The following SLC12A7 variants were observed in gnomAD, a reference collection of about 807,000 sequenced individuals.
SLC12A7 encodes the protein K-Cl cotransporter 4.
A neutral mutation model predicts 120.6 loss-of-function variants in SLC12A7; 100 were observed. That is an observed-to-expected ratio of 0.83 (90% CI 0.71 to 0.98). SLC12A7 has a LOEUF of 0.98. SLC12A7 is among the 50% of genes least tolerant of loss of function. The probability of loss-of-function intolerance (pLI) is 0.00; values close to 1 mark genes in which losing one functional copy is unlikely to be tolerated. For synonymous variants in SLC12A7, 760 were observed against 678.0 expected, an observed-to-expected ratio of 1.12 and a Z score of -1.88; for missense variants, 1,373 against 1,548.1, an observed-to-expected ratio of 0.89 and a Z score of 1.90.
intron 17 of SLC12A7, among the ~76,000 whole-genome samples, chr5:1,067,356 G>A (rs1047633413): frequency 6.6e-6 from 1 of 152,234 alleles, no homozygotes; most frequent in Non-Finnish European, 1.5e-5. Flanking sequence ...GGGCAGGAAG[G>A]CACAGGGAAG....
At chr5:1,151,150 A>G in the SLC12A7 span, among the ~76,000 whole-genome samples, 1 of 152,354 alleles carries the variant, frequency 6.6e-6, no homozygotes, top group African/African-American at 2.4e-5. This position sits in a 1 kb window ranked among gnomAD's most constrained non-coding sequence, Gnocchi z 6.2. Context: ...CCGGGATCCC[A>G]GCTCACAAAG....
At chr5:1,110,519 C>G (rs561125637) in intron 1 of SLC12A7, among the ~76,000 whole-genome samples, 1 of 152,374 alleles carries the variant, frequency 6.6e-6, no homozygotes, top group East Asian at 1.9e-4. Context: ...ATGACACTTA[C>G]AGTCTAAAGA....
intron 14 of SLC12A7, chr5:1,075,864 CG>C: frequency 3.9e-6 from 2 of 514,336 alleles, no homozygotes; most frequent in Non-Finnish European, 6.9e-6. Context: ...GGGCTGACCA[CG>C]GGAGGTACAA....
At chr5:1,128,752 T>G in the SLC12A7 span, among the ~76,000 whole-genome samples, 1 of 152,216 alleles carries the variant, frequency 6.6e-6, no homozygotes, top group Non-Finnish European at 1.5e-5. Context: ...TGTGTGTGCA[T>G]GCGTGCACAC....
rs778020005 is a variant in SLC12A7 at position 1,051,994 on chromosome 5, T to C, written c.*366A>G. On this transcript the variant is annotated 3_prime_UTR_variant, in exon 24 of 24. Transcript: ENST00000264930. ...AAGAATGTTCTGGATGGGGTAGAAA[T>C]GCAACCTAACCACTGGGTAAATCCA... 18 of 280,462 alleles carry C rather than the reference T, an allele frequency of 6.4e-5. No homozygotes were observed. The highest frequency in any genetic ancestry group is 9.4e-5 in the Non-Finnish European group (14 of 148,934). 17.4% of individuals were successfully genotyped at this position (280,462 alleles called of 1,614,324 possible).
chr5:1,051,922 G>A lies in SLC12A7; in HGVS notation c.*438C>T, dbSNP rs1200764866. On this transcript the variant is annotated 3_prime_UTR_variant, in exon 24 of 24. Coordinates refer to ENST00000264930, the MANE Select transcript of SLC12A7 (RefSeq NM_006598.3). Reference sequence around the variant, plus strand: ...GAGCGGAGCCATGGCCAGGGCTGACGTTTCACCTTCATCATCAGGGACAGC... The same window carrying A: ...GAGCGGAGCCATGGCCAGGGCTGACATTTCACCTTCATCATCAGGGACAGC... The A allele has an allele frequency of 2.1e-5, 4 of 186,238 alleles. No individual in the cohort carries two copies. In the South Asian group the frequency reaches 4.8e-4, roughly 23 times the overall value. The allele number at this position is 186,238 out of a possible 1,614,324, so 11.5% of individuals were successfully genotyped here.
the SLC12A7 span, among the ~76,000 whole-genome samples, chr5:1,135,513 T>A: frequency 6.6e-6 from 1 of 152,138 alleles, no homozygotes; most frequent in Non-Finnish European, 1.5e-5. Context: ...TGCCCCGGGA[T>A]CCAGGGTGGC....
Position 1,052,458 on chromosome 5 carries a change from TCAA to T in SLC12A7, c.3161-10_3161-8del. 6.2e-7 allele frequency: 1 copy of T among 1,609,016 alleles called. No homozygotes were observed. The highest frequency in any genetic ancestry group is 8.5e-7 in the Non-Finnish European group (1 of 1,176,552). On this transcript the variant is annotated splice_region_variant and splice_polypyrimidine_tract_variant and intron_variant, in intron 23 of 23. Coordinates refer to ENST00000264930, the MANE Select transcript of SLC12A7 (RefSeq NM_006598.3). The stretch of plus-strand genomic sequence containing the variant: ...ACTTCAAGAAACTCCATGTCTGTGG[TCAA>T]CAGAGTTAAGGCCACAGCTGATCTT...
At chr5:1,102,873 C>T (rs1470043694) in intron 1 of SLC12A7, among the ~76,000 whole-genome samples, 1 of 152,124 alleles carries the variant, frequency 6.6e-6, no homozygotes, top group South Asian at 2.1e-4. Flanking sequence ...CCCAGGAGCA[C>T]CCCCCACCCA....
chr5:1,103,602 T>C (rs953350817), intron 1 of SLC12A7, among the ~76,000 whole-genome samples: 1 of 152,184 alleles, frequency 6.6e-6, no homozygotes, highest in African/African-American at 2.4e-5. Context: ...TGTCCTCACA[T>C]GTGCATACCC....
chr5:1,114,262 C>A (rs2150918239), upstream of SLC12A7, among the ~76,000 whole-genome samples: 1 of 152,340 alleles, frequency 6.6e-6, no homozygotes, highest in Non-Finnish European at 1.5e-5. Context: ...AGGCAGGTGG[C>A]TTCTCTTGTT....
intron 8 of SLC12A7, among the ~76,000 whole-genome samples, chr5:1,082,979 AG>A (rs1739374942): frequency 7.2e-5 from 3 of 41,678 alleles, no homozygotes; most frequent in East Asian, 7.3e-4. Context: ...CTTCCTCTCT[AG>A]GGTTCTGGAA....
At chr5:1,096,669 G>A in intron 1 of SLC12A7, among the ~76,000 whole-genome samples, 1 of 131,462 alleles carries the variant, frequency 7.6e-6, no homozygotes, top group African/African-American at 3.1e-5. Flanking sequence ...GGGAGGGAGG[G>A]AAGGAAGAAA....
chr5:1,135,674 G>A, the SLC12A7 span, among the ~76,000 whole-genome samples: 112 of 152,340 alleles, frequency 7.4e-4, no homozygotes, highest in African/African-American at 2.4e-3. Context: ...CTTCAGGTGC[G>A]TGCATGAGTG....
intron 7 of SLC12A7, among the ~76,000 whole-genome samples, chr5:1,084,161 C>A (rs1041991310): frequency 6.6e-6 from 1 of 152,158 alleles, no homozygotes; most frequent in Non-Finnish European, 1.5e-5. Flanking sequence ...AGGGATCACA[C>A]TGGGGACCGG....
intron 8 of SLC12A7, among the ~76,000 whole-genome samples, chr5:1,082,692 G>A (rs1391783611): frequency 2.0e-5 from 3 of 149,252 alleles, no homozygotes; most frequent in Non-Finnish European, 4.5e-5. Context: ...GTTCTGGAAA[G>A]TCCGGGCTTC....
intron 17 of SLC12A7, among the ~76,000 whole-genome samples, chr5:1,067,695 C>T (rs1737202037): frequency 6.6e-6 from 1 of 152,238 alleles, no homozygotes; most frequent in Non-Finnish European, 1.5e-5. Context: ...CTGGGGATCT[C>T]AACTCTCTTC....
At chr5:1,147,017 G>C in the SLC12A7 span, among the ~76,000 whole-genome samples, 2 of 152,074 alleles carry the variant, frequency 1.3e-5, no homozygotes, top group Non-Finnish European at 2.9e-5. Context: ...ACAGACTTTC[G>C]CTCTTTTCAT....
rs190425857 is a variant in SLC12A7 at position 1,089,550 on chromosome 5, G to A, written c.343-422C>T. Among the ~76,000 whole-genome samples, 229 of 147,510 alleles carry A rather than the reference G, an allele frequency of 1.6e-3. 1 individual carries two copies. The highest frequency in any genetic ancestry group is 2.8e-3 in the Non-Finnish European group (187 of 67,262). On this transcript the variant is annotated intron_variant, in intron 3 of 23. Transcript: ENST00000264930. ...GGAAGCAGAGCCAGCGGAGGGATGA[G>A]ACGGCTGCTGCCCATAAAGCTAAAA...
Sources: gnomAD v4.1 joint callset for allele counts (sites outside exome capture counted in the v4.1 genomes callset) on GRCh38, gnomAD v4.1.1 for gene constraint, Gnocchi (gnomAD v3.1) non-coding constraint, MANE v1.5 for transcripts, NCBI Gene and HGNC (gene_info 2026-07-23, HGNC 2026-07-21) for gene names.